The following RCAN2 variants were observed in gnomAD, a reference collection of about 807,000 sequenced individuals.
The protein encoded by RCAN2 is regulator of calcineurin 2, also known as calcipressin-2.
In RCAN2, 9 loss-of-function variants were observed where a neutral mutation model predicts 23.6. The observed-to-expected ratio is 0.38, with a 90% confidence interval of 0.23 to 0.67. RCAN2 has a LOEUF of 0.67. RCAN2 is among the 30% of genes least tolerant of loss of function. RCAN2 has a pLI of 0.51. For missense variants in RCAN2, 273 were observed against 302.3 expected, an observed-to-expected ratio of 0.90 and a Z score of 0.72; for synonymous variants, 109 against 115.7, an observed-to-expected ratio of 0.94 and a Z score of 0.37.
At chr6:46,410,272 G>T (rs1766510086) in intron 2 of RCAN2, among the ~76,000 whole-genome samples, 1 of 152,066 alleles carries the variant, frequency 6.6e-6, no homozygotes. Flanking sequence ...GTCCATCATG[G>T]GACTTAGCCT....
At chr6:46,339,559 G>A (rs1291667174) in intron 2 of RCAN2, among the ~76,000 whole-genome samples, 1 of 152,102 alleles carries the variant, frequency 6.6e-6, no homozygotes, top group Non-Finnish European at 1.5e-5. Context: ...TGGGGAAGCA[G>A]CTAGACTATT....
chr6:46,487,212 T>C lies in RCAN2; in HGVS notation c.-3+3961A>G, dbSNP rs554977589. On this transcript the variant is annotated intron_variant, in intron 1 of 4. Coordinates refer to ENST00000371374, the MANE Select transcript of RCAN2 (RefSeq NM_001251974.2). ...CAGCAACATTGGCCTCCTTATAAGC[T>C]GGCAAAAGAAGAATTGAAAACTCTG... is the stretch of plus-strand genomic sequence containing the variant. Among the ~76,000 whole-genome samples the C allele has an allele frequency of 1.1e-4, 16 of 152,336 alleles. No homozygotes were observed. The East Asian group carries it at 2.9e-3, about 28-fold the overall frequency.
intron 2 of RCAN2, among the ~76,000 whole-genome samples, chr6:46,442,573 G>A (rs1290360063): frequency 6.6e-6 from 1 of 152,142 alleles, no homozygotes; most frequent in African/African-American, 2.4e-5. Context: ...CATATGAAGT[G>A]GGTTCCAAGT....
At chr6:46,474,187 T>C (rs974023783) in intron 1 of RCAN2, among the ~76,000 whole-genome samples, 14 of 150,554 alleles carry the variant, frequency 9.3e-5, no homozygotes, top group Non-Finnish European at 1.5e-4. Context: ...TAGAGAGGAA[T>C]GCAGCAGACA....
intron 2 of RCAN2, among the ~76,000 whole-genome samples, chr6:46,418,575 C>T (rs1367123409): frequency 6.6e-6 from 1 of 151,842 alleles, no homozygotes; most frequent in Non-Finnish European, 1.5e-5. Context: ...AGACACTCTA[C>T]AGGTGGAACT....
rs113021275 is a variant in RCAN2, at chr6:46,441,080, G to C, written c.225+15672C>G. ...AAAACCTCCTTCCTTCCTTGAACCA[G>C]AGATAGACAGTCACAGATCTGGGTC... On this transcript the variant is annotated intron_variant, in intron 2 of 4. Coordinates refer to ENST00000371374, the MANE Select transcript of RCAN2 (RefSeq NM_001251974.2). Among the ~76,000 whole-genome samples, 779 of 152,234 alleles carry C rather than the reference G, an allele frequency of 5.1e-3. 6 individuals are homozygous for C. Among genetic ancestry groups the C allele is most frequent in the African/African-American group, 0.018 (741 of 41,536 alleles).
At chr6:46,381,443 T>C (rs546368372) in intron 2 of RCAN2, among the ~76,000 whole-genome samples, 3 of 152,276 alleles carry the variant, frequency 2.0e-5, no homozygotes, top group Non-Finnish European at 4.4e-5. Flanking sequence ...CATGTGACAA[T>C]ATACAAATCT....
At chr6:46,274,200 G>A (rs761079586) in intron 2 of RCAN2, among the ~76,000 whole-genome samples, 2 of 152,154 alleles carry the variant, frequency 1.3e-5, no homozygotes, top group Admixed American at 6.5e-5. Context: ...GTGTTTGCTC[G>A]AGAACTTCTG....
chr6:46,370,638 T>C (rs1381120570), intron 2 of RCAN2, among the ~76,000 whole-genome samples: 9 of 152,244 alleles, frequency 5.9e-5, no homozygotes, highest in Admixed American at 5.9e-4. Flanking sequence ...CAGTTATACC[T>C]TTCCACTGTT....
Position 46,221,863 on chromosome 6 carries a change from T to G in RCAN2, c.*1278A>C. ...GTAATGGTTCTATAGGTGTATCTTCTGTAATGCACTTTGGGCTAGAGAAAT... is the reference window on the plus strand; with the variant it reads ...GTAATGGTTCTATAGGTGTATCTTCGGTAATGCACTTTGGGCTAGAGAAAT... On this transcript the variant is annotated 3_prime_UTR_variant, in exon 5 of 5. Transcript: ENST00000371374. 1.0e-5 allele frequency: 4 copies of G among 398,442 alleles called. No homozygotes were observed. The highest frequency in any genetic ancestry group is 1.8e-5 in the Non-Finnish European group (4 of 225,898). 24.7% of individuals were successfully genotyped at this position (398,442 alleles called of 1,614,324 possible). A position where few individuals can be genotyped will look rare whatever the true frequency, so the allele number is the denominator to read the frequency against.
intron 4 of RCAN2, among the ~76,000 whole-genome samples, chr6:46,234,995 T>C (rs1284641303): frequency 6.6e-6 from 1 of 152,186 alleles, no homozygotes; most frequent in Non-Finnish European, 1.5e-5. Context: ...CTTGCCACAA[T>C]TGCAGAGAAA....
intron 4 of RCAN2, among the ~76,000 whole-genome samples, chr6:46,244,352 C>T (rs72861648): frequency 6.6e-6 from 1 of 151,844 alleles, no homozygotes; most frequent in South Asian, 2.1e-4. Context: ...GCTCTGTGAG[C>T]GTCCCTTCCG....
chr6:46,455,864 AAAAG>A (rs763615814), intron 2 of RCAN2, among the ~76,000 whole-genome samples: 85 of 151,120 alleles, frequency 5.6e-4, no homozygotes, highest in East Asian at 3.7e-3. Flanking sequence ...TAAAAAAAAA[AAAAG>A]AAAGAAAGAA....
chr6:46,472,418 C>T (rs1977802), intron 1 of RCAN2, among the ~76,000 whole-genome samples: 12,296 of 152,180 alleles, frequency 0.081, 758 homozygotes, highest in Admixed American at 0.18. Flanking sequence ...CCAACTAAGA[C>T]TAATAAAGTT....
At chr6:46,385,582 C>T (rs1216815082) in intron 2 of RCAN2, among the ~76,000 whole-genome samples, 1 of 152,102 alleles carries the variant, frequency 6.6e-6, no homozygotes, top group African/African-American at 2.4e-5. Flanking sequence ...TAGGGCTGGG[C>T]ACAGTGGCTC....
intron 2 of RCAN2, among the ~76,000 whole-genome samples, chr6:46,311,337 A>T (rs1028960611): frequency 2.0e-5 from 3 of 152,344 alleles, no homozygotes; most frequent in Admixed American, 6.5e-5. Flanking sequence ...ACACATCTAC[A>T]TAAGCAGAAA....
intron 2 of RCAN2, among the ~76,000 whole-genome samples, chr6:46,256,244 C>T (rs10948286): frequency 0.39 from 59,825 of 151,954 alleles, 14,124 homozygotes; most frequent in Non-Finnish European, 0.52. Flanking sequence ...GTGGCACATG[C>T]CTGCAATCCC....
intron 1 of RCAN2, among the ~76,000 whole-genome samples, chr6:46,472,588 C>G (rs1165646116): frequency 6.6e-6 from 1 of 152,120 alleles, no homozygotes; most frequent in African/African-American, 2.4e-5. Context: ...CTTTCTCCAT[C>G]ATAATGGAGA....
At chr6:46,326,577 A>G (rs1188932569) in intron 2 of RCAN2, among the ~76,000 whole-genome samples, 1 of 152,246 alleles carries the variant, frequency 6.6e-6, no homozygotes, top group East Asian at 1.9e-4. Flanking sequence ...TCAATCAAAC[A>G]GGAATAGCCT....
Sources: gnomAD v4.1 joint callset for allele counts (sites outside exome capture counted in the v4.1 genomes callset) on GRCh38, gnomAD v4.1.1 for gene constraint, MANE v1.5 for transcripts, NCBI Gene and HGNC (gene_info 2026-07-23, HGNC 2026-07-21) for gene names.